Variants in CIMAP1D observed in about 807,000 individuals in gnomAD.
CIMAP1D encodes the protein protein CIMAP1D.
At chr19:476,059 C>T in the CIMAP1D span, among the ~76,000 whole-genome samples, 3 of 114,956 alleles carry the variant, frequency 2.6e-5, no homozygotes, top group East Asian at 5.7e-4. Context: ...AATGCAGTGG[C>T]GCGATCTCGG....
the CIMAP1D span, among the ~76,000 whole-genome samples, chr19:484,314 T>G: frequency 2.6e-5 from 4 of 152,056 alleles, no homozygotes; most frequent in East Asian, 7.7e-4. Context: ...CTAATTTTTG[T>G]ATTTTTAGTA....
the CIMAP1D span, among the ~76,000 whole-genome samples, chr19:487,048 G>A: frequency 2.0e-5 from 3 of 152,186 alleles, no homozygotes; most frequent in African/African-American, 7.2e-5. Context: ...CGCCATGCCC[G>A]GCCTATCGGG....
At chr19:476,199 C>T in the CIMAP1D span, among the ~76,000 whole-genome samples, 1 of 151,746 alleles carries the variant, frequency 6.6e-6, no homozygotes, top group African/African-American at 2.4e-5. Context: ...ATTACAGGCA[C>T]ACTCCACCAT....
the CIMAP1D span, among the ~76,000 whole-genome samples, chr19:476,038 G>A: frequency 5.0e-5 from 4 of 79,330 alleles, no homozygotes; most frequent in Non-Finnish European, 6.8e-5. Flanking sequence ...TTGCTCCCCC[G>A]CCCAGGCTGG....
At chr19:470,330 C>G in the CIMAP1D span, among the ~76,000 whole-genome samples, 1 of 152,018 alleles carries the variant, frequency 6.6e-6, no homozygotes, top group Non-Finnish European at 1.5e-5. Context: ...CCTCAGCCTC[C>G]CTAGTAGCTG....
At chr19:464,833 G>A in the CIMAP1D span, among the ~76,000 whole-genome samples, 2 of 152,208 alleles carry the variant, frequency 1.3e-5, no homozygotes, top group African/African-American at 4.8e-5. Context: ...GGAGGTGAGT[G>A]GTTGAGCGGG....
the CIMAP1D span, chr19:472,416 C>T: frequency 3.9e-6 from 6 of 1,541,120 alleles, no homozygotes; most frequent in Admixed American, 6.0e-5. Context: ...TCCGGACGAG[C>T]GAGTAGGCGG....
chr19:472,800 C>A, the CIMAP1D span, among the ~76,000 whole-genome samples: 9 of 150,622 alleles, frequency 6.0e-5, no homozygotes, highest in African/African-American at 2.2e-4. Context: ...GAAACTGAGG[C>A]CTGAGCCTCC....
the CIMAP1D span, among the ~76,000 whole-genome samples, chr19:481,165 G>C: frequency 6.0e-5 from 7 of 117,362 alleles, no homozygotes; most frequent in Admixed American, 8.3e-5. Flanking sequence ...ATGATGGGAA[G>C]GATGATGGAG....
the CIMAP1D span, among the ~76,000 whole-genome samples, chr19:479,405 T>A: frequency 2.0e-5 from 1 of 50,684 alleles, no homozygotes; most frequent in Non-Finnish European, 5.1e-5. Flanking sequence ...TCTCTTTTTT[T>A]TTTTTTGGGG....
the CIMAP1D span, among the ~76,000 whole-genome samples, chr19:469,492 C>T: frequency 6.6e-6 from 1 of 152,102 alleles, no homozygotes; most frequent in South Asian, 2.1e-4. Context: ...GAGTTCGAGA[C>T]CAGCCTGGCC....
At chr19:468,473 G>A in the CIMAP1D span, among the ~76,000 whole-genome samples, 1 of 152,182 alleles carries the variant, frequency 6.6e-6, no homozygotes, top group Admixed American at 6.5e-5. Flanking sequence ...CTCGGCGTTG[G>A]ACCACGTTCA....
chr19:471,772 T>C, the CIMAP1D span, among the ~76,000 whole-genome samples: 1 of 151,546 alleles, frequency 6.6e-6, no homozygotes, highest in African/African-American at 2.4e-5. Context: ...AGACAGAGTC[T>C]CACTCTGTCG....
the CIMAP1D span, chr19:474,622 G>A: frequency 5.6e-5 from 87 of 1,554,246 alleles, no homozygotes; most frequent in Middle Eastern, 1.7e-4. Flanking sequence ...GGCACGCACC[G>A]TTCTCCAGGG....
At chr19:472,382 C>T in the CIMAP1D span, 51,905 of 1,448,572 alleles carry the variant, frequency 0.036, 3,453 homozygotes, top group African/African-American at 0.22. Context: ...GCCGCCCACT[C>T]GCCCGCCTTA....
the CIMAP1D span, among the ~76,000 whole-genome samples, chr19:475,967 G>A: frequency 4.9e-5 from 6 of 122,234 alleles, no homozygotes; most frequent in Non-Finnish European, 1.0e-4. Context: ...TAGAGATGGG[G>A]TTTCACCACG....
At chr19:477,841 G>A in the CIMAP1D span, among the ~76,000 whole-genome samples, 439 of 152,216 alleles carry the variant, frequency 2.9e-3, 5 homozygotes, top group African/African-American at 0.01. Flanking sequence ...GCCCTGCACG[G>A]CCTCGTCTCC....
the CIMAP1D span, chr19:472,343 G>T: frequency 9.0e-7 from 1 of 1,112,762 alleles, no homozygotes. Context: ...TGCTCCTGGG[G>T]GGAGATTGGA....
the CIMAP1D span, among the ~76,000 whole-genome samples, chr19:485,751 G>T: frequency 1.3e-5 from 2 of 152,194 alleles, no homozygotes; most frequent in African/African-American, 4.8e-5. Context: ...CAGGAGGCCG[G>T]GTTCCTCCGA....
Sources: allele counts gnomAD v4.1 joint callset (sites outside exome capture counted in the v4.1 genomes callset), GRCh38; gene constraint gnomAD v4.1.1; transcripts MANE v1.5; gene names NCBI Gene and HGNC (gene_info 2026-07-23, HGNC 2026-07-21).